The following MICAL2 variants were observed in gnomAD, a reference collection of about 807,000 sequenced individuals.
MICAL2 encodes [F-actin]-monooxygenase MICAL2.
In MICAL2, 77 loss-of-function variants were observed where a neutral mutation model predicts 127.3. The ratio of observed to expected loss-of-function variants is 0.60; its 90% CI spans 0.50 to 0.73. The LOEUF (loss-of-function observed/expected upper bound fraction) is 0.73. MICAL2 is among the 30% of genes least tolerant of loss of function. MICAL2 has a pLI of 0.00. For synonymous variants in MICAL2, 570 were observed against 551.1 expected (o/e 1.03, Z -0.48); for missense variants, 1,351 against 1,434.4 (o/e 0.94, Z 0.94).
rs779334183 is a variant in MICAL2 at position 12,256,933 on chromosome 11, C to G, written c.3104C>G (p.Thr1035Ser). The G allele has an allele frequency of 6.2e-7, 1 of 1,614,076 alleles. No individual in the cohort carries two copies. The highest frequency in any genetic ancestry group is 1.7e-5 in the Admixed American group (1 of 60,028). Residue 1035 changes from threonine (T) to serine (S), a missense_variant, in exon 24 of 28, where the codon ACC (threonine) becomes AGC (serine). By Grantham distance (58) the Thr-to-Ser change is moderately conservative (BLOSUM62 1). Around this residue, in one of 2 missense-constraint regions of MICAL2, gnomAD observed 752 missense variants for 719.4 expected, o/e 1.05. Coordinates refer to ENST00000683283, the MANE Select transcript of MICAL2 (RefSeq NM_001282663.2). ...ECFRCSICAT[T>S]LRLAAYTFDC... The stretch of plus-strand genomic sequence containing the variant: ...TTCCGCTGCAGCATCTGTGCCACCA[C>G]CTTGCGCCTGGCCGCCTACACCTTT...
chr11:12,254,940 CAG>C (rs1862124501), intron 22 of MICAL2: 1 of 71,750 alleles, frequency 1.4e-5, no homozygotes, highest in South Asian at 4.3e-4. Context: ...TTTTTTGAGA[CAG>C]TGTTTTACTC....
chr11:12,323,989 A>G (rs1185699833), exon 31 of MICAL2: 12 of 1,608,790 alleles, frequency 7.5e-6, no homozygotes, highest in Middle Eastern at 1.7e-4. Context: ...AGAAGAAGAC[A>G]CTTAGAAGAA....
Position 12,247,087 on chromosome 11 carries a change from G to A in MICAL2, c.2785-2097G>A, listed in dbSNP as rs60748768. ...CAGGAGCAGAGTCACAGGTAAGAAG[G>A]CAAAGGCTCAGGGAGGAGACTGGAG... On this transcript the variant is annotated intron_variant, in intron 21 of 27. Transcript: ENST00000683283. Among the ~76,000 whole-genome samples, 27 of 152,274 alleles carry A rather than the reference G, an allele frequency of 1.8e-4. No individual in the cohort carries two copies. The East Asian group carries it at 4.6e-3, about 26-fold the overall frequency.
chr11:12,310,753 A>T (rs1590732498), intron 29 of MICAL2, among the ~76,000 whole-genome samples: 1 of 152,088 alleles, frequency 6.6e-6, no homozygotes, highest in East Asian at 1.9e-4. Flanking sequence ...GAATCTGTAG[A>T]TGGCTTTGGG....
intron 32 of MICAL2, among the ~76,000 whole-genome samples, chr11:12,336,026 C>G (rs1938750854): frequency 6.6e-6 from 1 of 152,178 alleles, no homozygotes. Context: ...GGCATTGAAT[C>G]TATAAATTAC....
At chr11:12,236,806 G>A (rs1277345813) in intron 16 of MICAL2, among the ~76,000 whole-genome samples, 1 of 152,170 alleles carries the variant, frequency 6.6e-6, no homozygotes, top group Non-Finnish European at 1.5e-5. Flanking sequence ...GTCAGTTCTT[G>A]CTTCCCTGGG....
At chr11:12,292,460 A>G (rs1183463289), downstream of MICAL2, among the ~76,000 whole-genome samples, 1 of 152,184 alleles carries the variant, frequency 6.6e-6, no homozygotes, top group African/African-American at 2.4e-5. Context: ...AGCTGCCTTC[A>G]TGTATACCTT....
At chr11:12,262,189 T>G in intron 26 of MICAL2, 1 of 1,298,740 alleles carries the variant, frequency 7.7e-7, no homozygotes. Context: ...CCGCAACATA[T>G]TCAAGAATGA....
rs765131110 is a variant in MICAL2 at position 12,256,889 on chromosome 11, C to G, written c.3060C>G (p.His1020Gln). 1 of 1,614,222 alleles carries G rather than the reference C, an allele frequency of 6.2e-7. No individual in the cohort carries two copies. The highest frequency in any genetic ancestry group is 1.7e-5 in the Admixed American group (1 of 60,032). The change falls in exon 24 of 28, where the codon CAC (histidine) becomes CAG (glutamine). Residue 1020 changes from histidine (H) to glutamine (Q), a missense_variant. By Grantham distance (24) the His-to-Gln change is conservative. This residue lies in a region of MICAL2 where 752 missense variants were observed against 719.4 expected (regional missense o/e 1.05). Coordinates refer to ENST00000683283, the MANE Select transcript of MICAL2 (RefSeq NM_001282663.2). Reference sequence around the variant, plus strand: ...TGGAACGGCTGAGCGCCGAGGGCCACTTCTTCCACCGGGAGTGTTTCCGCT... The same window carrying G: ...TGGAACGGCTGAGCGCCGAGGGCCAGTTCTTCCACCGGGAGTGTTTCCGCT... ...YVMERLSAEG[H>Q]FFHRECFRCS...
intron 3 of MICAL2, among the ~76,000 whole-genome samples, chr11:12,168,345 CAT>C (rs1247110196): frequency 1.4e-5 from 2 of 146,108 alleles, no homozygotes; most frequent in Non-Finnish European, 3.0e-5. Flanking sequence ...TATACAAATA[CAT>C]ATATACACAA....
intron 29 of MICAL2, among the ~76,000 whole-genome samples, chr11:12,318,230 G>A (rs538047884): frequency 2.6e-5 from 4 of 152,272 alleles, no homozygotes; most frequent in African/African-American, 9.6e-5. Context: ...AGAAACTCAA[G>A]GAGGTAAAAT....
chr11:12,191,939 G>A (rs1425053807), intron 3 of MICAL2, among the ~76,000 whole-genome samples: 1 of 151,744 alleles, frequency 6.6e-6, no homozygotes, highest in African/African-American at 2.4e-5. Context: ...AAAGATCTGA[G>A]GGAAGGGTGT....
downstream of MICAL2, chr11:12,293,716 G>C (rs778675068): frequency 3.1e-6 from 5 of 1,614,014 alleles, no homozygotes; most frequent in Non-Finnish European, 4.2e-6. Context: ...AGTACTGCCT[G>C]GTGAGCCCTG....
At chr11:12,237,282 A>G (rs1371798542) in intron 16 of MICAL2, among the ~76,000 whole-genome samples, 1 of 152,212 alleles carries the variant, frequency 6.6e-6, no homozygotes, top group African/African-American at 2.4e-5. Flanking sequence ...CCTGGGTTGA[A>G]CATTTTCCTA....
chr11:12,334,608 C>T (rs1238379708), intron 32 of MICAL2, among the ~76,000 whole-genome samples: 1 of 113,194 alleles, frequency 8.8e-6, no homozygotes, highest in African/African-American at 3.2e-5. Context: ...CCCCTCCCCC[C>T]ACCCCCCCAC....
chr11:12,300,844 C>A (rs1347709868), intron 29 of MICAL2, among the ~76,000 whole-genome samples: 2 of 152,152 alleles, frequency 1.3e-5, no homozygotes, highest in East Asian at 1.9e-4. Flanking sequence ...TTGTTGTAAA[C>A]CTCCAAACTT....
chr11:12,340,433 A>G (rs1042273694), intron 32 of MICAL2, among the ~76,000 whole-genome samples: 1 of 152,206 alleles, frequency 6.6e-6, no homozygotes, highest in African/African-American at 2.4e-5. Flanking sequence ...ATTCAATGTT[A>G]ATGGGAACAC....
chr11:12,197,889 T>C (rs1860145659), intron 3 of MICAL2: 1 of 152,202 alleles, frequency 6.6e-6, no homozygotes. Context: ...ATTAGTTGGT[T>C]TTTTTAGGGA....
chr11:12,229,413 T>C (rs1232255150), intron 15 of MICAL2, among the ~76,000 whole-genome samples: 1 of 152,142 alleles, frequency 6.6e-6, no homozygotes, highest in East Asian at 1.9e-4. Flanking sequence ...ACTGAGTAAA[T>C]GGGGCTGTCT....
Sources: allele counts gnomAD v4.1 joint callset (sites outside exome capture counted in the v4.1 genomes callset), GRCh38; gene constraint gnomAD v4.1.1; regional missense constraint gnomAD v4.1.1; transcripts MANE v1.5; gene names NCBI Gene and HGNC (gene_info 2026-07-23, HGNC 2026-07-21).